CAMTA1: variants seen among roughly 807,000 people sequenced by gnomAD.
CAMTA1 encodes calmodulin binding transcription activator 1.
Under a neutral mutation model 170.9 loss-of-function variants are expected in CAMTA1, and 27 were observed. The ratio of observed to expected loss-of-function variants is 0.16; its 90% CI spans 0.12 to 0.22. The LOEUF (loss-of-function observed/expected upper bound fraction) is 0.22. Ranked by LOEUF, CAMTA1 falls within the 10% of genes least tolerant of loss-of-function variation. The pLI is 1.00. For missense variants in CAMTA1, 1,619 were observed against 2,217.2 expected (o/e 0.73, Z 5.42); for synonymous variants, 833 against 891.5 (o/e 0.93, Z 1.17).
intron 6 of CAMTA1, among the ~76,000 whole-genome samples, chr1:7,543,886 G>T (rs537812125): frequency 6.6e-6 from 1 of 151,982 alleles, no homozygotes; most frequent in East Asian, 1.9e-4. Context: ...ACAGCTCTTG[G>T]CAGATGTCAT....
chr1:7,443,781 A>G lies in CAMTA1; in HGVS notation c.439-24049A>G, dbSNP rs2092610441. On this transcript the variant is annotated intron_variant, in intron 5 of 22. Transcript: ENST00000303635. The surrounding 1 kb of genome is among the most constrained non-coding windows in gnomAD (Gnocchi z 4.1). ...CAGAGAGGGTCCCTCAGGTCTCTGC[A>G]CCCTCTTTTCCATTTATTTGTACCT... Among the ~76,000 whole-genome samples the G allele has an allele frequency of 6.6e-6, 1 of 151,972 alleles. No homozygotes were observed. The highest frequency in any genetic ancestry group is 1.5e-5 in the Non-Finnish European group (1 of 67,994).
intron 3 of CAMTA1, among the ~76,000 whole-genome samples, chr1:7,069,819 A>C (rs1638366718): frequency 6.6e-6 from 1 of 152,222 alleles, no homozygotes; most frequent in East Asian, 1.9e-4. Context: ...CCCTGGGCCT[A>C]ACTTGGGAAA....
intron 4 of CAMTA1, among the ~76,000 whole-genome samples, chr1:7,154,498 G>A (rs1241720589): frequency 1.3e-5 from 2 of 152,134 alleles, no homozygotes; most frequent in African/African-American, 4.8e-5. Flanking sequence ...ATCTTTCACT[G>A]CTGTCCACAT....
chr1:7,569,173 G>A (rs1354114998), intron 6 of CAMTA1, among the ~76,000 whole-genome samples: 3 of 136,518 alleles, frequency 2.2e-5, no homozygotes, highest in Non-Finnish European at 4.6e-5. Context: ...TATCATCATC[G>A]TGGTCACTAT....
chr1:7,288,515 A>G (rs974297201), intron 5 of CAMTA1, among the ~76,000 whole-genome samples: 2 of 152,200 alleles, frequency 1.3e-5, no homozygotes, highest in African/African-American at 2.4e-5. Context: ...TTCAGTCAAT[A>G]GAGAGTTTGG....
chr1:7,426,159 C>G lies in CAMTA1; in HGVS notation c.439-41671C>G, dbSNP rs2091865524. Reference sequence around the variant, plus strand: ...AAACACTTCTGAGCAGATTACCTTTCCAGCCTGACTTTAACAGTTTAAAAA... The same window carrying G: ...AAACACTTCTGAGCAGATTACCTTTGCAGCCTGACTTTAACAGTTTAAAAA... On this transcript the variant is annotated intron_variant, in intron 5 of 22. Transcript: ENST00000303635. The surrounding 1 kb of genome is among the most constrained non-coding windows in gnomAD (Gnocchi z 4.8). Among the ~76,000 whole-genome samples, 2 of 149,840 alleles carry G rather than the reference C, an allele frequency of 1.3e-5. No individual in the cohort carries two copies. Among genetic ancestry groups the G allele is most frequent in the Non-Finnish European group, 2.9e-5 (2 of 68,028 alleles).
At chr1:7,742,426 T>G (rs546994243) in intron 16 of CAMTA1, among the ~76,000 whole-genome samples, 46 of 152,320 alleles carry the variant, frequency 3.0e-4, no homozygotes, top group Admixed American at 2.1e-3. Context: ...TGTATGTAGT[T>G]AATACACATA....
intron 3 of CAMTA1, among the ~76,000 whole-genome samples, chr1:6,827,977 G>A (rs747689270): frequency 6.6e-6 from 1 of 152,152 alleles, no homozygotes; most frequent in Non-Finnish European, 1.5e-5. Flanking sequence ...GTGGGAATGC[G>A]CACAGTTGAG....
chr1:7,540,297 TG>T (rs1408124626), intron 6 of CAMTA1, among the ~76,000 whole-genome samples: 1 of 152,164 alleles, frequency 6.6e-6, no homozygotes. Context: ...GGACCCAGGC[TG>T]GGGCCCAGCA....
At chr1:7,498,159 TGA>T (rs1164937164) in intron 6 of CAMTA1, among the ~76,000 whole-genome samples, 7 of 147,634 alleles carry the variant, frequency 4.7e-5, no homozygotes, top group Non-Finnish European at 1.5e-5. Flanking sequence ...TGGAGATTTG[TGA>T]GTGTGTGTGC....
At chr1:7,560,938 C>T (rs2094948267) in intron 6 of CAMTA1, among the ~76,000 whole-genome samples, 2 of 152,132 alleles carry the variant, frequency 1.3e-5, no homozygotes, top group African/African-American at 4.8e-5. Context: ...ATTTATCCAG[C>T]AGTGCCAGCT....
chr1:7,243,190 G>A (rs189088201), intron 4 of CAMTA1, among the ~76,000 whole-genome samples: 70 of 152,136 alleles, frequency 4.6e-4, no homozygotes, highest in Admixed American at 1.7e-3. Flanking sequence ...CTATGCCTTG[G>A]TCTTCTTTTG....
rs1326942090 is a variant in CAMTA1 at position 7,664,210 on chromosome 1, G to A, written c.1663G>A (p.Val555Met). Residue 555 changes from valine to methionine, a missense_variant, in exon 9 of 23, where the codon GTG (valine) becomes ATG (methionine). Physicochemically the swap from Val to Met is conservative, Grantham distance 21. Around this residue, in one of 8 missense-constraint regions of CAMTA1, gnomAD observed 731 missense variants for 907.6 expected, o/e 0.81. Transcript: ENST00000303635. ...KEAYSSSAAA[V>M]AASSLTLTAG... ...AGCGTACTCCTCCTCCGCGGCGGCT[G>A]TGGCAGCCAGCTCCCTCACCCTGAC... The A allele has an allele frequency of 6.2e-7, 1 of 1,612,670 alleles. No homozygotes were observed. The highest frequency in any genetic ancestry group is 8.5e-7 in the Non-Finnish European group (1 of 1,180,016).
At chr1:7,590,865 A>G (rs1256393455) in intron 6 of CAMTA1, among the ~76,000 whole-genome samples, 1 of 152,238 alleles carries the variant, frequency 6.6e-6, no homozygotes, top group Non-Finnish European at 1.5e-5. Context: ...TCTGAGAATC[A>G]GGATCACCAG....
chr1:7,244,336 T>A (rs940339376), intron 4 of CAMTA1, among the ~76,000 whole-genome samples: 9 of 152,232 alleles, frequency 5.9e-5, no homozygotes, highest in African/African-American at 2.2e-4. Context: ...GGTGTGGCGA[T>A]TCCTCAGGGA....
chr1:7,490,376 G>A (rs2093684010), intron 6 of CAMTA1, among the ~76,000 whole-genome samples: 2 of 152,240 alleles, frequency 1.3e-5, no homozygotes, highest in South Asian at 4.1e-4. Flanking sequence ...GATTGGCCGG[G>A]CGCGATGGCT....
At chr1:6,818,102 C>T (rs567743206) in intron 1 of CAMTA1, among the ~76,000 whole-genome samples, 27 of 152,106 alleles carry the variant, frequency 1.8e-4, no homozygotes, top group African/African-American at 6.3e-4. Context: ...TTTGGGAGGC[C>T]GAGGCTGGCA....
At chr1:6,854,412 G>A (rs1661519267) in intron 3 of CAMTA1, among the ~76,000 whole-genome samples, 3 of 152,164 alleles carry the variant, frequency 2.0e-5, no homozygotes, top group African/African-American at 4.8e-5. Flanking sequence ...GTGTAAGTAC[G>A]TTTGTGTAAG....
intron 3 of CAMTA1, among the ~76,000 whole-genome samples, chr1:7,035,206 A>G (rs984924600): frequency 4.6e-5 from 7 of 152,044 alleles, no homozygotes; most frequent in Non-Finnish European, 7.4e-5. Context: ...GTTTGAGACC[A>G]CCTCATCAAC....
Sources: gnomAD v4.1 joint callset for allele counts (sites outside exome capture counted in the v4.1 genomes callset) on GRCh38, gnomAD v4.1.1 for gene constraint, gnomAD v4.1.1 regional missense constraint, Gnocchi (gnomAD v3.1) non-coding constraint, MANE v1.5 for transcripts, NCBI Gene and HGNC (gene_info 2026-07-23, HGNC 2026-07-21) for gene names.